RPS6KC1: variants seen among roughly 807,000 people sequenced by gnomAD.
The protein encoded by RPS6KC1 is ribosomal protein S6 kinase C1.
Under a neutral mutation model 103.8 loss-of-function variants are expected in RPS6KC1, and 54 were observed. The ratio of observed to expected loss-of-function variants is 0.52; its 90% CI spans 0.42 to 0.65. RPS6KC1 has a LOEUF of 0.65. Ranked by LOEUF, RPS6KC1 falls within the 30% of genes least tolerant of loss-of-function variation. RPS6KC1 has a pLI of 0.00. For missense variants in RPS6KC1, 1,151 were observed against 1,253.8 expected (o/e 0.92, Z 1.24); for synonymous variants, 439 against 438.7 (o/e 1.00, Z -0.01).
chr1:213,363,195 TC>T, the RPS6KC1 span, among the ~76,000 whole-genome samples: 5 of 152,166 alleles, frequency 3.3e-5, 1 homozygote, highest in African/African-American at 7.2e-5. Context: ...TTAATCTCTC[TC>T]TGACTCTTCC....
At chr1:213,308,482 G>A in the RPS6KC1 span, among the ~76,000 whole-genome samples, 1 of 152,000 alleles carries the variant, frequency 6.6e-6, no homozygotes, top group Admixed American at 6.6e-5. Context: ...TCTCCATTGA[G>A]ACTCACTGAA....
chr1:213,356,113 GAAT>G, the RPS6KC1 span, among the ~76,000 whole-genome samples: 3 of 152,190 alleles, frequency 2.0e-5, no homozygotes, highest in African/African-American at 7.2e-5. Flanking sequence ...CGAGGTCCCT[GAAT>G]TCTTTGAGCT....
chr1:213,132,822 G>A (rs568577435), intron 6 of RPS6KC1, among the ~76,000 whole-genome samples: 15 of 152,266 alleles, frequency 9.9e-5, no homozygotes, highest in South Asian at 4.1e-4. Flanking sequence ...ATCTTTCAGA[G>A]CTAAGTAATG....
chr1:213,268,561 TTATA>T (rs535527682), intron 14 of RPS6KC1, among the ~76,000 whole-genome samples: 237 of 147,866 alleles, frequency 1.6e-3, no homozygotes, highest in African/African-American at 5.7e-3. Flanking sequence ...TATAATTTAT[TTATA>T]TATTTATATA....
At chr1:213,276,351 C>T (rs184045793), downstream of RPS6KC1, among the ~76,000 whole-genome samples, 7 of 152,258 alleles carry the variant, frequency 4.6e-5, no homozygotes, top group African/African-American at 1.4e-4. Flanking sequence ...TTGATTTAAA[C>T]TCTGGTATAT....
At chr1:213,427,283 T>A in the RPS6KC1 span, among the ~76,000 whole-genome samples, 2 of 152,246 alleles carry the variant, frequency 1.3e-5, no homozygotes, top group African/African-American at 4.8e-5. Context: ...TTGTGGAAGA[T>A]GCTGTCACTG....
chr1:213,623,523 A>G, the RPS6KC1 span, among the ~76,000 whole-genome samples: 1 of 152,188 alleles, frequency 6.6e-6, no homozygotes, highest in Non-Finnish European at 1.5e-5. Flanking sequence ...CTGGTGGCAA[A>G]GGCAAATACA....
At chr1:213,505,417 G>C in the RPS6KC1 span, among the ~76,000 whole-genome samples, 3 of 152,122 alleles carry the variant, frequency 2.0e-5, no homozygotes, top group Non-Finnish European at 4.4e-5. Flanking sequence ...GTCTGGATTC[G>C]AATCCCAGCC....
chr1:213,341,074 T>A, the RPS6KC1 span, among the ~76,000 whole-genome samples: 1 of 152,230 alleles, frequency 6.6e-6, no homozygotes, highest in Admixed American at 6.5e-5. Flanking sequence ...AGGGCTTTCA[T>A]GGACAGCAGA....
chr1:213,453,316 AG>A, the RPS6KC1 span, among the ~76,000 whole-genome samples: 1 of 152,168 alleles, frequency 6.6e-6, no homozygotes, highest in Non-Finnish European at 1.5e-5. Context: ...CACACATATG[AG>A]AAAGATAATC....
the RPS6KC1 span, among the ~76,000 whole-genome samples, chr1:213,294,716 C>G: frequency 2.0e-5 from 3 of 152,310 alleles, no homozygotes; most frequent in Non-Finnish European, 4.4e-5. Flanking sequence ...GTAAACTCAC[C>G]TAGCAATTTG....
the RPS6KC1 span, among the ~76,000 whole-genome samples, chr1:213,583,050 A>G: frequency 2.0e-5 from 3 of 152,306 alleles, no homozygotes; most frequent in South Asian, 2.1e-4. Flanking sequence ...TTCACTTAGC[A>G]TATTGCTTTT....
the RPS6KC1 span, among the ~76,000 whole-genome samples, chr1:213,574,987 G>T: frequency 2.6e-5 from 4 of 152,208 alleles, 1 homozygote; most frequent in Admixed American, 2.0e-4. Flanking sequence ...GAAGAGACTG[G>T]CTAGGGAAGG....
chr1:213,600,920 A>G, the RPS6KC1 span, among the ~76,000 whole-genome samples: 1 of 152,266 alleles, frequency 6.6e-6, no homozygotes, highest in Non-Finnish European at 1.5e-5. Flanking sequence ...TGACTTTGTG[A>G]GAAGCCTGAG....
the RPS6KC1 span, among the ~76,000 whole-genome samples, chr1:213,707,090 T>C: frequency 2.4e-4 from 37 of 152,276 alleles, no homozygotes; most frequent in African/African-American, 8.2e-4. Flanking sequence ...GGTCAAATGG[T>C]ATTTCTGGTT....
At chr1:213,137,682 TG>T (rs1293949626) in intron 6 of RPS6KC1, among the ~76,000 whole-genome samples, 1 of 150,992 alleles carries the variant, frequency 6.6e-6, no homozygotes, top group Non-Finnish European at 1.5e-5. Flanking sequence ...GGCATTTAGT[TG>T]GGCTTCCTTT....
At chr1:213,771,995 A>G in the RPS6KC1 span, among the ~76,000 whole-genome samples, 1 of 152,222 alleles carries the variant, frequency 6.6e-6, no homozygotes, top group African/African-American at 2.4e-5. Flanking sequence ...ACGTACGCTA[A>G]TAAAGGTAAA....
the RPS6KC1 span, among the ~76,000 whole-genome samples, chr1:213,802,491 A>G: frequency 6.6e-6 from 1 of 152,220 alleles, no homozygotes; most frequent in African/African-American, 2.4e-5. Context: ...TCCAATAGAG[A>G]CACATCTTGC....
the RPS6KC1 span, among the ~76,000 whole-genome samples, chr1:213,424,265 G>GTTTTTGTTTTGTGTTTTC: frequency 2.6e-5 from 4 of 152,156 alleles, no homozygotes; most frequent in African/African-American, 9.7e-5. Flanking sequence ...TCCCTGTTTT[G>GTTTTTGTTTTGTGTTTTC]TTTTTGTTTT....
Sources: gnomAD v4.1 joint callset for allele counts (sites outside exome capture counted in the v4.1 genomes callset) on GRCh38, gnomAD v4.1.1 for gene constraint, MANE v1.5 for transcripts, NCBI Gene and HGNC (gene_info 2026-07-23, HGNC 2026-07-21) for gene names.